Variants in WEE2 observed in about 807,000 individuals in gnomAD.
WEE2 encodes WEE2 oocyte meiosis inhibiting kinase.
In WEE2, 50 loss-of-function variants were observed where a neutral mutation model predicts 60.1. The ratio of observed to expected loss-of-function variants is 0.83; its 90% confidence interval spans 0.66 to 1.05. The LOEUF (loss-of-function observed/expected upper bound fraction) is 1.05. Ranked by LOEUF, WEE2 falls within the 50% of genes least tolerant of loss-of-function variation. The pLI is 0.00. For missense variants in WEE2, 631 were observed against 684.3 expected (o/e 0.92, Z 0.87); for synonymous variants, 240 against 241.0 (o/e 1.00, Z 0.04).
intron 9 of WEE2, among the ~76,000 whole-genome samples, chr7:141,726,603 C>A (rs1584746960): frequency 6.6e-6 from 1 of 152,102 alleles, no homozygotes; most frequent in East Asian, 1.9e-4. Flanking sequence ...ATTTCAGTAC[C>A]TAAATGCTGG....
rs772674428 is a variant in WEE2 at position 141,730,356 on chromosome 7, T to C, written c.*36T>C. On this transcript the variant is annotated 3_prime_UTR_variant, in exon 12 of 12. Coordinates refer to ENST00000397541, the MANE Select transcript of WEE2 (RefSeq NM_001105558.1). Reference sequence around the variant, plus strand: ...GGAAAACAGCCCTTGGTTTGGCCTATGGATTACGAGGTTGCTGTTGCTGAT... The same window carrying C: ...GGAAAACAGCCCTTGGTTTGGCCTACGGATTACGAGGTTGCTGTTGCTGAT... The C allele has an allele frequency of 4.4e-6, 7 of 1,607,404 alleles. No homozygotes were observed. In the East Asian group the frequency reaches 8.9e-5, roughly 21 times the overall value.
rs34460684 is a variant in WEE2, at chr7:141,725,624, CAA to C, written c.1392+446_1392+447del. Among the ~76,000 whole-genome samples the C allele has an allele frequency of 6.0e-3, 612 of 101,184 alleles. 4 individuals are homozygous for C. The highest frequency in any genetic ancestry group is 0.015 in the African/African-American group (403 of 26,686). The allele number at this position is 101,184 out of a possible 152,430, so 66.4% of individuals were successfully genotyped here. ...TGGGCGACAGAGCGAGACTCCGTCT[CAA>C]AAAAAAAAAAAAAAAAAGCAGGCAG... On this transcript the variant is annotated intron_variant, in intron 9 of 11. Coordinates refer to ENST00000397541, the MANE Select transcript of WEE2 (RefSeq NM_001105558.1).
chr7:141,710,856 A>G (rs1425356646), intron 1 of WEE2, among the ~76,000 whole-genome samples: 1 of 152,154 alleles, frequency 6.6e-6, no homozygotes, highest in Non-Finnish European at 1.5e-5. Flanking sequence ...TTTAATCCTG[A>G]GAGTGTTGAG....
At chr7:141,716,101 CCA>C (rs1798789787) in intron 2 of WEE2, 119 bp from the exon 3 acceptor site, 1 of 808,354 alleles carries the variant, frequency 1.2e-6, no homozygotes, top group Non-Finnish European at 1.9e-6. Context: ...ATCCCTGCCT[CCA>C]CATATAAACC....
intron 2 of WEE2, 113 bp from the exon 3 acceptor site, chr7:141,716,108 TA>T: frequency 2.2e-6 from 2 of 905,146 alleles, no homozygotes; most frequent in Non-Finnish European, 3.3e-6. Context: ...CCTCCACATA[TA>T]AACCGAAGAG....
In WEE2 at chr7:141,708,681, T is replaced by C. The variant is rs937712387; in HGVS notation, c.-78T>C. ...GAAACCTGCAGGTTAAGTTATTTTC[T>C]CCTCCCTGCTTCTGTAGGTTCACAG... On this transcript the variant is annotated 5_prime_UTR_variant, in exon 1 of 12. Transcript: ENST00000397541. The C allele has an allele frequency of 5.4e-6, 7 of 1,285,288 alleles. No individual in the cohort carries two copies. Among genetic ancestry groups the C allele is most frequent in the Middle Eastern group, 2.6e-4 (1 of 3,834 alleles). 79.6% of individuals were successfully genotyped at this position (1,285,288 alleles called of 1,614,324 possible). A position where few individuals can be genotyped will look rare whatever the true frequency, so the allele number is the denominator to read the frequency against.
At chr7:141,721,157 C>A in intron 5 of WEE2, 101 bp downstream of exon 5, 6 of 1,404,852 alleles carry the variant, frequency 4.3e-6, no homozygotes, top group Non-Finnish European at 5.0e-6. Flanking sequence ...CCACGGATAG[C>A]AGATATACCT....
rs1255102145 is a variant in WEE2 at position 141,716,277 on chromosome 7, G to A, written c.585+10G>A. The stretch of plus-strand genomic sequence containing the variant: ...AGGGCTGCCTGCCAAGGTAAGCGTA[G>A]TTCTTTGTCCCAGCGGCCACAATAT... On this transcript the variant is annotated intron_variant, in intron 3 of 11. Transcript: ENST00000397541. 6.2e-7 allele frequency: 1 copy of A among 1,612,418 alleles called. No homozygotes were observed. Among genetic ancestry groups the A allele is most frequent in the Non-Finnish European group, 8.5e-7 (1 of 1,179,240 alleles).
chr7:141,727,358 A>G lies in WEE2; in HGVS notation c.1447A>G (p.Asn483Asp). Reference sequence around the variant, plus strand: ...ACCTTCTGCAGCAGCTCTGGCCAGAAATACAGTTCTCCGGCCTTCCCTGGG... The same window carrying G: ...ACCTTCTGCAGCAGCTCTGGCCAGAGATACAGTTCTCCGGCCTTCCCTGGG... ...QRPSAAALAR[N>D]TVLRPSLGKT... The change falls in exon 10 of 12, where the codon AAT (asparagine) becomes GAT (aspartate). Residue 483 changes from asparagine (N) to aspartate (D), a missense_variant. By Grantham distance (23) the Asn-to-Asp change is conservative. Coordinates refer to ENST00000397541, the MANE Select transcript of WEE2 (RefSeq NM_001105558.1). 5.0e-6 allele frequency: 8 copies of G among 1,614,198 alleles called. No homozygotes were observed. The highest frequency in any genetic ancestry group is 5.9e-6 in the Non-Finnish European group (7 of 1,180,034).
At chr7:141,726,834 A>G (rs1419287788) in intron 9 of WEE2, among the ~76,000 whole-genome samples, 1 of 152,162 alleles carries the variant, frequency 6.6e-6, no homozygotes, top group Non-Finnish European at 1.5e-5. Flanking sequence ...ATTTTCTACT[A>G]TATTCAAATC....
At chr7:141,720,723 A>C in intron 4 of WEE2, 1 of 584,898 alleles carries the variant, frequency 1.7e-6, no homozygotes, top group South Asian at 2.5e-5. Flanking sequence ...TACCAGTTCG[A>C]CTTTGGGCCA....
Position 141,723,375 on chromosome 7 carries a change from C to T in WEE2, c.1027+95C>T, listed in dbSNP as rs138569723. ...CTGTATGTCTATCAAGTGTCAAGGA[C>T]GGTGTTTGCTGGCAGAACCCCTTTC... is the stretch of plus-strand genomic sequence containing the variant. On this transcript the variant is annotated intron_variant, in intron 6 of 11. Coordinates refer to ENST00000397541, the MANE Select transcript of WEE2 (RefSeq NM_001105558.1). The T allele has an allele frequency of 5.2e-5, 72 of 1,373,362 alleles. No homozygotes were observed. In the East Asian group the frequency reaches 5.9e-4, roughly 11 times the overall value. 85.1% of individuals were successfully genotyped at this position (1,373,362 alleles called of 1,614,324 possible).
intron 2 of WEE2, among the ~76,000 whole-genome samples, chr7:141,714,643 A>G (rs1330720057): frequency 6.6e-6 from 1 of 152,248 alleles, no homozygotes; most frequent in Non-Finnish European, 1.5e-5. Flanking sequence ...GATAAGACAG[A>G]ATAAGCAATA....
chr7:141,728,616 G>C (rs757532999), intron 10 of WEE2, among the ~76,000 whole-genome samples: 3 of 152,210 alleles, frequency 2.0e-5, no homozygotes, highest in Non-Finnish European at 4.4e-5. Flanking sequence ...GCCAGTACCA[G>C]TGATGGGCAC....
At position 141,721,057 on chromosome 7, in the gene WEE2, G is replaced by GT; in HGVS notation, c.880+2dup. The GT allele has an allele frequency of 6.2e-7, 1 of 1,614,144 alleles. No homozygotes were observed. Among genetic ancestry groups the GT allele is most frequent in the Non-Finnish European group, 8.5e-7 (1 of 1,180,010 alleles). On this transcript the variant is annotated splice_donor_variant, in intron 5 of 11. Transcript: ENST00000397541. LOFTEE classifies it high-confidence loss of function. ...ATCATTCAGAATGAATACTGCAATG[G>GT]TAAGTAGTATATAGATGAATAACTA...
In WEE2 at chr7:141,709,616, A is replaced by G. The variant is rs902495364; in HGVS notation, c.342+516A>G. The stretch of plus-strand genomic sequence containing the variant: ...AAGAACGTCCACACTCACTGTTTGA[A>G]CATAGTCATATCTCTTTGCTGCTGC... On this transcript the variant is annotated intron_variant, in intron 1 of 11. Transcript: ENST00000397541. 2.6e-5 allele frequency among the ~76,000 whole-genome samples: 4 copies of G among 152,174 alleles called. No individual in the cohort carries two copies. In the South Asian group the frequency reaches 8.3e-4, roughly 31 times the overall value.
chr7:141,727,667 C>T (rs928264772), intron 10 of WEE2: 18 of 506,664 alleles, frequency 3.6e-5, no homozygotes, highest in African/African-American at 7.7e-5. Flanking sequence ...TTCCAGTTAA[C>T]GCAAACAAAG....
At chr7:141,714,859 C>CA (rs1412192334) in intron 2 of WEE2, among the ~76,000 whole-genome samples, 1 of 151,824 alleles carries the variant, frequency 6.6e-6, no homozygotes, top group Non-Finnish European at 1.5e-5. Context: ...TTGGCTGAAG[C>CA]AAAAAAGCAT....
intron 2 of WEE2, among the ~76,000 whole-genome samples, chr7:141,715,624 T>A (rs562470922): frequency 6.6e-6 from 1 of 152,204 alleles, no homozygotes; most frequent in South Asian, 2.1e-4. Flanking sequence ...ATTGAAAATA[T>A]CTCATCCCGG....
Sources: allele counts gnomAD v4.1 joint callset (sites outside exome capture counted in the v4.1 genomes callset), GRCh38; gene constraint gnomAD v4.1.1; transcripts MANE v1.5; gene names NCBI Gene and HGNC (gene_info 2026-07-23, HGNC 2026-07-21).